The following SLIT3 variants were observed in gnomAD, a reference collection of about 807,000 sequenced individuals.
SLIT3 encodes slit homolog 3 protein.
Under a neutral mutation model 184.0 loss-of-function variants are expected in SLIT3, and 68 were observed. That is an observed-to-expected ratio of 0.37 (90% CI 0.30 to 0.45). SLIT3 has a LOEUF of 0.45. SLIT3 is among the 20% of genes least tolerant of loss of function. The pLI is 1.00. For missense variants in SLIT3, 1,707 were observed against 2,026.0 expected (o/e 0.84, Z 3.02); for synonymous variants, 831 against 828.6 (o/e 1.00, Z -0.05).
rs746505391 is a variant in SLIT3 at position 168,712,336 on chromosome 5, G to A, written c.2502C>T (p.Asp834=). 3.0e-5 allele frequency: 49 copies of A among 1,614,082 alleles called. No homozygotes were observed. The highest frequency in any genetic ancestry group is 4.2e-5 in the Non-Finnish European group (49 of 1,180,012). Residue 834 remains aspartate (D), a synonymous_variant, in exon 24 of 36, where the codon GAC becomes GAT. Coordinates refer to ENST00000519560, the MANE Select transcript of SLIT3 (RefSeq NM_003062.4). ...AGGAGCCTTCAGGAACGCTGGAAAT[G>A]TCATTGCCATGGAGGGTTCTGAAGC... ...SLRVLTLHGN[D]ISSVPEGSFN...
chr5:168,797,324 G>A (rs1242519584), intron 9 of SLIT3, among the ~76,000 whole-genome samples: 1 of 152,192 alleles, frequency 6.6e-6, no homozygotes, highest in Non-Finnish European at 1.5e-5. Flanking sequence ...CAGGTGGTGC[G>A]TGCTCTCCAG....
intron 4 of SLIT3, among the ~76,000 whole-genome samples, chr5:169,143,050 C>T (rs879650491): frequency 4.6e-5 from 7 of 152,156 alleles, no homozygotes; most frequent in Non-Finnish European, 1.0e-4. Context: ...AGGGTGGATC[C>T]TAATAGCCAG....
intron 4 of SLIT3, among the ~76,000 whole-genome samples, chr5:169,189,578 A>G (rs1205611669): frequency 1.0e-5 from 1 of 99,504 alleles, no homozygotes; most frequent in African/African-American, 4.0e-5. Context: ...ATATATATAT[A>G]TGCAGTAATC....
intron 8 of SLIT3, among the ~76,000 whole-genome samples, chr5:168,812,197 G>C (rs374912038): frequency 6.6e-6 from 1 of 152,202 alleles, no homozygotes; most frequent in African/African-American, 2.4e-5. Flanking sequence ...ACCAGGGCCT[G>C]GGGAGGGTAT....
intron 4 of SLIT3, among the ~76,000 whole-genome samples, chr5:168,995,255 T>C (rs1350414090): frequency 6.6e-6 from 1 of 152,198 alleles, no homozygotes; most frequent in Non-Finnish European, 1.5e-5. Context: ...CAGAAGAATG[T>C]TCACAAAGGA....
intron 4 of SLIT3, among the ~76,000 whole-genome samples, chr5:169,134,057 C>T (rs1360906451): frequency 1.3e-5 from 2 of 152,184 alleles, no homozygotes; most frequent in Non-Finnish European, 2.9e-5. Context: ...TCTAAATGTG[C>T]AAAGCTTTGG....
chr5:168,921,348 G>A (rs1385783686), intron 4 of SLIT3, among the ~76,000 whole-genome samples: 1 of 152,120 alleles, frequency 6.6e-6, no homozygotes, highest in African/African-American at 2.4e-5. Flanking sequence ...AAAATGAAGA[G>A]GGCAATTTTC....
In SLIT3 at chr5:168,691,827, G is replaced by A. The variant is rs571118759; in HGVS notation, c.3176+780C>T. 9.2e-5 allele frequency among the ~76,000 whole-genome samples: 14 copies of A among 152,238 alleles called. No homozygotes were observed. In the South Asian group the frequency reaches 2.5e-3, roughly 27 times the overall value. On this transcript the variant is annotated intron_variant, in intron 29 of 35. Transcript: ENST00000519560. Reference sequence around the variant, plus strand: ...CACAGAGTTCTGGGATCTCCCTCTCGATGTCAGAAAACCCCCAGTCTCAAG... The same window carrying A: ...CACAGAGTTCTGGGATCTCCCTCTCAATGTCAGAAAACCCCCAGTCTCAAG...
intron 4 of SLIT3, among the ~76,000 whole-genome samples, chr5:168,903,277 A>G (rs1447422343): frequency 1.3e-5 from 2 of 152,164 alleles, no homozygotes; most frequent in Non-Finnish European, 2.9e-5. Flanking sequence ...AGGGCTGGAG[A>G]TGAAAAGACA....
chr5:169,118,243 CTG>C (rs1017109743), intron 4 of SLIT3, among the ~76,000 whole-genome samples: 1 of 152,174 alleles, frequency 6.6e-6, no homozygotes, highest in African/African-American at 2.4e-5. Context: ...ATAAAAGAAT[CTG>C]TATTTCCTCA....
At chr5:169,098,831 C>T (rs1759893164) in intron 4 of SLIT3, among the ~76,000 whole-genome samples, 1 of 152,164 alleles carries the variant, frequency 6.6e-6, no homozygotes, top group Non-Finnish European at 1.5e-5. Context: ...CTTTTCTCTC[C>T]CAAAGGAGCA....
chr5:168,910,904 G>GC (rs1205748473), intron 4 of SLIT3, among the ~76,000 whole-genome samples: 1 of 152,072 alleles, frequency 6.6e-6, no homozygotes, highest in Non-Finnish European at 1.5e-5. Flanking sequence ...GGCAACTAGA[G>GC]CCCCCATCCC....
At chr5:169,241,329 G>T (rs566360798) in intron 3 of SLIT3, among the ~76,000 whole-genome samples, 5 of 151,992 alleles carry the variant, frequency 3.3e-5, no homozygotes, top group Non-Finnish European at 5.9e-5. Context: ...TTCTTGCATC[G>T]ATTACATGAG....
At chr5:169,187,476 G>C (rs1365965297) in intron 4 of SLIT3, among the ~76,000 whole-genome samples, 2 of 152,068 alleles carry the variant, frequency 1.3e-5, no homozygotes, top group African/African-American at 4.8e-5. Flanking sequence ...TCTGGGATAG[G>C]TGGGCCAAAA....
intron 32 of SLIT3, among the ~76,000 whole-genome samples, chr5:168,674,995 A>T (rs1761363543): frequency 6.6e-6 from 1 of 152,132 alleles, no homozygotes; most frequent in Non-Finnish European, 1.5e-5. Context: ...TAAGTGATTT[A>T]CCTGAGGTCA....
At chr5:168,961,337 A>C (rs1160803886) in intron 4 of SLIT3, among the ~76,000 whole-genome samples, 1 of 152,242 alleles carries the variant, frequency 6.6e-6, no homozygotes, top group African/African-American at 2.4e-5. Context: ...GTCTGAGTGC[A>C]CTGATGAACA....
chr5:169,255,287 T>C (rs1197129935), intron 1 of SLIT3, among the ~76,000 whole-genome samples: 1 of 152,138 alleles, frequency 6.6e-6, no homozygotes, highest in Non-Finnish European at 1.5e-5. Flanking sequence ...CTTGAGGAGG[T>C]ATTCCAGAGG....
chr5:169,178,342 C>G (rs149642584), intron 4 of SLIT3, among the ~76,000 whole-genome samples: 11 of 152,316 alleles, frequency 7.2e-5, no homozygotes, highest in African/African-American at 2.6e-4. Flanking sequence ...CCTACTGCTC[C>G]CTGCCTCAGT....
rs562549722 is a variant in SLIT3, at chr5:168,854,129, T to C, written c.486-9474A>G. Among the ~76,000 whole-genome samples, 3 of 152,230 alleles carry C rather than the reference T, an allele frequency of 2.0e-5. No individual in the cohort carries two copies. The South Asian group carries it at 6.2e-4, about 32-fold the overall frequency. Reference sequence around the variant, plus strand: ...GTCAAGTTCAAACCTGCCTTCCCAATCCAGGAGTCTCGGGGCTTACCCATC... The same window carrying C: ...GTCAAGTTCAAACCTGCCTTCCCAACCCAGGAGTCTCGGGGCTTACCCATC... On this transcript the variant is annotated intron_variant, in intron 5 of 35. Transcript: ENST00000519560.
Sources: allele counts gnomAD v4.1 joint callset (sites outside exome capture counted in the v4.1 genomes callset), GRCh38; gene constraint gnomAD v4.1.1; transcripts MANE v1.5; gene names NCBI Gene and HGNC (gene_info 2026-07-23, HGNC 2026-07-21).